Variants in LRRTM4 observed in about 807,000 individuals in gnomAD.
LRRTM4 encodes the protein leucine-rich repeat transmembrane neuronal protein 4.
LRRTM4 carries 25 observed loss-of-function variants against 47.6 expected under a neutral mutation model. The ratio of observed to expected loss-of-function variants is 0.53; its 90% CI spans 0.38 to 0.73. The LOEUF (loss-of-function observed/expected upper bound fraction) is 0.73. LRRTM4 is among the 30% of genes least tolerant of loss of function. The pLI is 0.00. For synonymous variants in LRRTM4, 311 were observed against 269.5 expected (o/e 1.15, Z -1.51); for missense variants, 638 against 713.4 (o/e 0.89, Z 1.20).
intron 3 of LRRTM4, among the ~76,000 whole-genome samples, chr2:77,313,357 T>TACCTCCCTAC (rs1216433077): frequency 9.3e-5 from 14 of 151,284 alleles, no homozygotes; most frequent in African/African-American, 3.4e-4. Flanking sequence ...TGCTGGGATG[T>TACCTCCCTAC]GCCTCCCTAC....
intron 3 of LRRTM4, among the ~76,000 whole-genome samples, chr2:77,329,682 A>C (rs555625850): frequency 6.6e-6 from 1 of 152,142 alleles, no homozygotes; most frequent in African/African-American, 2.4e-5. Flanking sequence ...CATGTCGCAC[A>C]TGGACCACAA....
chr2:76,986,412 C>G (rs1676796898), intron 3 of LRRTM4, among the ~76,000 whole-genome samples: 1 of 151,834 alleles, frequency 6.6e-6, no homozygotes, highest in African/African-American at 2.4e-5. Flanking sequence ...AATCAGAAGC[C>G]CTCCCTGCAT....
rs3058064 is a variant in LRRTM4 at position 77,069,401 on chromosome 2, ATGTGTGTGTGTGTG to A, written c.1552-320499_1552-320486del. Reference sequence around the variant, plus strand: ...GTCATATGGAACTCTACATTTCACTATGTGTGTGTGTGTGTGTGTGTGTGTGTGTGTGTGTGTTT... The same window carrying A: ...GTCATATGGAACTCTACATTTCACTATGTGTGTGTGTGTGTGTGTGTGTTT... On this transcript the variant is annotated intron_variant, in intron 3 of 3. Transcript: ENST00000409884. Among the ~76,000 whole-genome samples the A allele has an allele frequency of 5.5e-3, 772 of 141,574 alleles. 5 individuals are homozygous for A. The highest frequency in any genetic ancestry group is 0.018 in the African/African-American group (703 of 38,380). 92.9% of individuals were successfully genotyped at this position (141,574 alleles called of 152,430 possible).
At chr2:77,484,691 G>A (rs977543400) in intron 3 of LRRTM4, among the ~76,000 whole-genome samples, 7 of 152,100 alleles carry the variant, frequency 4.6e-5, no homozygotes, top group African/African-American at 1.7e-4. Context: ...TTTGGTGCTA[G>A]CAATGTAAAT....
intron 3 of LRRTM4, among the ~76,000 whole-genome samples, chr2:77,247,383 T>G (rs900300058): frequency 6.6e-6 from 1 of 152,134 alleles, no homozygotes; most frequent in South Asian, 2.1e-4. Context: ...CACTACCATA[T>G]GACTTACTGA....
chr2:77,088,831 C>T (rs1169368676), intron 3 of LRRTM4, among the ~76,000 whole-genome samples: 3 of 152,166 alleles, frequency 2.0e-5, no homozygotes, highest in Non-Finnish European at 4.4e-5. Flanking sequence ...CGGTAAGCGG[C>T]ATCTTTTTAC....
At chr2:76,840,974 ACG>A (rs2103931912) in intron 3 of LRRTM4, among the ~76,000 whole-genome samples, 1 of 151,366 alleles carries the variant, frequency 6.6e-6, no homozygotes, top group South Asian at 2.1e-4. Flanking sequence ...ACACATGCAC[ACG>A]TATGTTTATT....
At chr2:77,201,667 A>G (rs1673978581) in intron 3 of LRRTM4, among the ~76,000 whole-genome samples, 1 of 152,122 alleles carries the variant, frequency 6.6e-6, no homozygotes, top group African/African-American at 2.4e-5. Context: ...AAATTTTAAA[A>G]AGTCATAAGA....
At chr2:77,174,986 A>T (rs963877436) in intron 3 of LRRTM4, among the ~76,000 whole-genome samples, 11 of 152,168 alleles carry the variant, frequency 7.2e-5, no homozygotes, top group Non-Finnish European at 1.5e-4. Context: ...TATGTGGAAC[A>T]GACGTGAATG....
chr2:77,086,034 T>C (rs1680699777), intron 3 of LRRTM4, among the ~76,000 whole-genome samples: 1 of 152,160 alleles, frequency 6.6e-6, no homozygotes, highest in South Asian at 2.1e-4. Context: ...AAATTCAATT[T>C]TAAAAATATC....
chr2:76,932,967 T>C (rs1408079133), intron 3 of LRRTM4, among the ~76,000 whole-genome samples: 2 of 152,120 alleles, frequency 1.3e-5, no homozygotes, highest in Admixed American at 6.6e-5. Flanking sequence ...CTACATTAGG[T>C]ATGAAATGAT....
At chr2:76,907,108 G>A (rs1442725808) in intron 3 of LRRTM4, among the ~76,000 whole-genome samples, 8 of 151,600 alleles carry the variant, frequency 5.3e-5, no homozygotes, top group Non-Finnish European at 1.2e-4. Context: ...GCTCTCCTCA[G>A]CAAATGTAAA....
chr2:77,325,027 C>T (rs2104236075), intron 3 of LRRTM4, among the ~76,000 whole-genome samples: 1 of 152,250 alleles, frequency 6.6e-6, no homozygotes, highest in East Asian at 1.9e-4. Flanking sequence ...CCATGCACAT[C>T]CCTTCCACTG....
intron 3 of LRRTM4, among the ~76,000 whole-genome samples, chr2:77,400,781 G>T (rs78230654): frequency 1.2e-3 from 186 of 151,776 alleles, no homozygotes; most frequent in African/African-American, 4.3e-3. Context: ...ATAAAATCCT[G>T]CCTCTGGGAC....
intron 3 of LRRTM4, among the ~76,000 whole-genome samples, chr2:77,052,030 T>C (rs986401643): frequency 1.1e-4 from 16 of 151,606 alleles, no homozygotes; most frequent in Admixed American, 7.9e-4. Flanking sequence ...AAATGAGACA[T>C]AGATTGTGTC....
At chr2:77,493,073 G>A (rs887024203) in intron 3 of LRRTM4, among the ~76,000 whole-genome samples, 1 of 151,770 alleles carries the variant, frequency 6.6e-6, no homozygotes, top group Non-Finnish European at 1.5e-5. Flanking sequence ...AGAAAACAAA[G>A]GCACAAATAA....
intron 3 of LRRTM4, among the ~76,000 whole-genome samples, chr2:77,058,548 T>C (rs1056110627): frequency 2.0e-5 from 3 of 152,172 alleles, no homozygotes; most frequent in Non-Finnish European, 4.4e-5. Flanking sequence ...TATTTTCATC[T>C]CTTCTTCTAT....
chr2:76,830,402 A>G (rs956068201), intron 3 of LRRTM4, among the ~76,000 whole-genome samples: 2 of 151,764 alleles, frequency 1.3e-5, no homozygotes, highest in Non-Finnish European at 2.9e-5. Context: ...ACCTTCTGAT[A>G]TTTTATTTTT....
chr2:76,932,911 G>A (rs1451982403), intron 3 of LRRTM4, among the ~76,000 whole-genome samples: 2 of 151,992 alleles, frequency 1.3e-5, no homozygotes, highest in African/African-American at 4.8e-5. Context: ...TTGTTACATA[G>A]GTATACACGT....
Sources: gnomAD v4.1 joint callset for allele counts (sites outside exome capture counted in the v4.1 genomes callset) on GRCh38, gnomAD v4.1.1 for gene constraint, MANE v1.5 for transcripts, NCBI Gene and HGNC (gene_info 2026-07-23, HGNC 2026-07-21) for gene names.